The following XBP1 variants were observed in gnomAD, a reference collection of about 807,000 sequenced individuals.
XBP1 encodes the protein X-box-binding protein 1.
Under a neutral mutation model 34.6 loss-of-function variants are expected in XBP1, and 18 were observed. That is an observed-to-expected ratio of 0.52 (90% confidence interval 0.36 to 0.77). XBP1 has a LOEUF of 0.77. Among genes scored for constraint, XBP1 ranks in the 30% least tolerant of loss-of-function variants. The probability of loss-of-function intolerance (pLI) is 0.00; values close to 1 mark genes in which losing one functional copy is unlikely to be tolerated. For missense variants in XBP1, 422 were observed against 464.6 expected (o/e 0.91, Z 0.84); for synonymous variants, 191 against 193.4 (o/e 0.99, Z 0.11).
intron 1 of XBP1, chr22:28,800,049 T>A (rs753211004): frequency 1.3e-5 from 10 of 774,148 alleles, no homozygotes; most frequent in Non-Finnish European, 2.4e-5. Context: ...CCAGCTCTGG[T>A]CATCTCTAAC....
chr22:28,795,350 A>T, exon 6 of XBP1: 1 of 1,552,020 alleles, frequency 6.4e-7, no homozygotes. Context: ...GGATGAAAGC[A>T]GATTTGAGAT....
At chr22:28,795,248 G>A (rs2031724141) in exon 6 of XBP1, 5 of 1,550,974 alleles carry the variant, frequency 3.2e-6, no homozygotes, top group Non-Finnish European at 4.4e-6. Flanking sequence ...ACCAAGCAGA[G>A]AGGACATGTC....
exon 6 of XBP1, chr22:28,795,579 A>G: frequency 6.2e-7 from 1 of 1,614,146 alleles, no homozygotes; most frequent in East Asian, 2.2e-5. Flanking sequence ...TTGGCTGATG[A>G]CGTCCCCACT....
At chr22:28,800,391 C>T in exon 1 of XBP1, 1 of 1,531,644 alleles carries the variant, frequency 6.5e-7, no homozygotes, top group Non-Finnish European at 8.8e-7. Context: ...CGGGCTGGCC[C>T]CTCTCTGGGC....
At chr22:28,799,014 G>T (rs2031808465) in intron 2 of XBP1, 43 bp downstream of exon 2, 1 of 1,475,968 alleles carries the variant, frequency 6.8e-7, no homozygotes, top group Non-Finnish European at 9.4e-7. Flanking sequence ...CACCAAGGAA[G>T]GGTATACAAT....
At chr22:28,797,266 T>C in intron 2 of XBP1, 61 bp from the exon 3 acceptor site, 2 of 1,554,144 alleles carry the variant, frequency 1.3e-6, no homozygotes, top group Non-Finnish European at 1.8e-6. Context: ...AGAATCTACC[T>C]GATTCAGTAT....
At chr22:28,795,400 C>A in exon 6 of XBP1, 1 of 1,560,712 alleles carries the variant, frequency 6.4e-7, no homozygotes, top group Non-Finnish European at 8.7e-7. Context: ...CAGGTTCTTC[C>A]TTCACTGAGA....
intron 1 of XBP1, 77 bp from the exon 2 acceptor site, chr22:28,799,230 G>A (rs546809927): frequency 1.8e-6 from 2 of 1,117,898 alleles, no homozygotes; most frequent in South Asian, 1.4e-5. Context: ...TTTACCAGCT[G>A]GTGCTTTCAT....
At chr22:28,799,265 T>G in intron 1 of XBP1, 112 bp from the exon 2 acceptor site, 1 of 721,018 alleles carries the variant, frequency 1.4e-6, no homozygotes. Context: ...TAAGACAGAC[T>G]AATGATAAAA....
exon 3 of XBP1, chr22:28,797,107 G>A (rs1242225164): frequency 6.2e-7 from 1 of 1,611,882 alleles, no homozygotes; most frequent in Non-Finnish European, 8.5e-7. Context: ...CAGCAACCAG[G>A]GCATCCATCC....
chr22:28,797,344 A>G (rs2031769876), intron 2 of XBP1, 139 bp from the exon 3 acceptor site: 6 of 1,031,236 alleles, frequency 5.8e-6, no homozygotes, highest in Non-Finnish European at 6.8e-6. Context: ...GTAGGTTTTA[A>G]AAAGCTAGGC....
At position 28,799,157 on chromosome 22, in the gene XBP1, G is replaced by T. The variant is rs767598119; in HGVS notation, c.228-4C>A. 1 of 1,611,442 alleles carries T rather than the reference G, an allele frequency of 6.2e-7. No individual in the cohort carries two copies. Among genetic ancestry groups the T allele is most frequent in the South Asian group, 1.1e-5 (1 of 90,996 alleles). ...TGCTACTCTGTTTTTCAGTTTCCTA[G>T]GAAGAGAAGGAACATACCACACTGA... On this transcript the variant is annotated splice_region_variant and splice_polypyrimidine_tract_variant and intron_variant, in intron 1 of 5. Coordinates refer to ENST00000344347, the Ensembl canonical transcript of XBP1.
At chr22:28,795,097 G>A (rs1023272389), downstream of XBP1, 13 of 1,401,284 alleles carry the variant, frequency 9.3e-6, no homozygotes, top group African/African-American at 4.4e-5. Context: ...CTTTTTGAAT[G>A]AAGTACAGAC....
At chr22:28,794,611 C>T (rs1284588764), downstream of XBP1, 1 of 152,284 alleles carries the variant, frequency 6.6e-6, no homozygotes, top group African/African-American at 2.4e-5. Context: ...GGAGAAAGCA[C>T]CTTTCAGAAG....
At chr22:28,796,830 C>T (rs948236278) in intron 3 of XBP1, 8 of 299,274 alleles carry the variant, frequency 2.7e-5, no homozygotes, top group African/African-American at 1.5e-4. Context: ...TTTGTTAGTA[C>T]TTGTTCTTAG....
intron 5 of XBP1, 44 bp downstream of exon 5, chr22:28,796,003 T>G: frequency 6.2e-7 from 1 of 1,611,356 alleles, no homozygotes; most frequent in Non-Finnish European, 8.5e-7. Flanking sequence ...ACAGATGGAA[T>G]TAACTGGTTA....
At chr22:28,796,276 G>A (rs1197359907) in intron 3 of XBP1, 84 bp from the exon 4 acceptor site, 2 of 1,345,506 alleles carry the variant, frequency 1.5e-6, no homozygotes, top group Non-Finnish European at 9.9e-7. Context: ...CAACTTTAAA[G>A]AATTACTTTT....
chr22:28,800,046 T>C (rs765735223), intron 1 of XBP1: 8 of 773,984 alleles, frequency 1.0e-5, no homozygotes, highest in Non-Finnish European at 1.7e-5. Flanking sequence ...TCCCCAGCTC[T>C]GGTCATCTCT....
chr22:28,797,837 CTA>C (rs2031778311), intron 2 of XBP1, among the ~76,000 whole-genome samples: 1 of 151,422 alleles, frequency 6.6e-6, no homozygotes, highest in Non-Finnish European at 1.5e-5. Flanking sequence ...AAATAAATAA[CTA>C]TCTTGAACTG....
Sources: allele counts gnomAD v4.1 joint callset (sites outside exome capture counted in the v4.1 genomes callset), GRCh38; gene constraint gnomAD v4.1.1; transcripts MANE v1.5; gene names NCBI Gene and HGNC (gene_info 2026-07-23, HGNC 2026-07-21).